SNAI1: variants seen among roughly 807,000 people sequenced by gnomAD.
The protein encoded by SNAI1 is zinc finger protein SNAI1.
SNAI1 carries 15 observed loss-of-function variants against 24.7 expected under a neutral mutation model. The ratio of observed to expected loss-of-function variants is 0.61; its 90% CI spans 0.41 to 0.93. The LOEUF (loss-of-function observed/expected upper bound fraction) is 0.93, where lower values mean the gene tolerates loss of function less well. Among genes scored for constraint, SNAI1 ranks in the 40% least tolerant of loss-of-function variants. The probability of loss-of-function intolerance (pLI) is 0.00; values close to 1 mark genes in which losing one functional copy is unlikely to be tolerated. For missense variants in SNAI1, 283 were observed against 336.7 expected, an observed-to-expected ratio of 0.84 and a Z score of 1.25; for synonymous variants, 163 against 142.9, an observed-to-expected ratio of 1.14 and a Z score of -1.00.
chr20:49,987,805 A>C, intron 2 of SNAI1, 67 bp from the exon 3 acceptor site: 1 of 1,429,264 alleles, frequency 7.0e-7, no homozygotes. Context: ...GTATGCGGGG[A>C]GGGATTCCCA....
chr20:49,985,206 A>G (rs1466575166), intron 2 of SNAI1, among the ~76,000 whole-genome samples: 5 of 152,322 alleles, frequency 3.3e-5, no homozygotes, highest in African/African-American at 1.2e-4. Flanking sequence ...GAGAAAAGGT[A>G]GAACTTTTTA....
chr20:49,983,030 C>A lies in SNAI1; in HGVS notation c.-30C>A. ...GTGGTTCTTCTGCGCTACTGCTGCG[C>A]GAATCGGCGACCCCAGTGCCTCGAC... is the stretch of plus-strand genomic sequence containing the variant. On this transcript the variant is annotated 5_prime_UTR_variant, in exon 1 of 3. Transcript: ENST00000244050. The A allele has an allele frequency of 1.9e-6, 3 of 1,578,372 alleles. No homozygotes were observed. Among genetic ancestry groups the A allele is most frequent in the Non-Finnish European group, 2.6e-6 (3 of 1,151,384 alleles).
chr20:49,985,520 T>A (rs1385309031), intron 2 of SNAI1, among the ~76,000 whole-genome samples: 1 of 152,200 alleles, frequency 6.6e-6, no homozygotes, highest in Non-Finnish European at 1.5e-5. Context: ...GGGCTCTATT[T>A]TGGGACAGTT....
chr20:49,988,335 G>A lies in SNAI1; in HGVS notation c.*279G>A, dbSNP rs895147455. 1 of 402,038 alleles carries A rather than the reference G, an allele frequency of 2.5e-6. No individual in the cohort carries two copies. Among genetic ancestry groups the A allele is most frequent in the Non-Finnish European group, 4.5e-6 (1 of 224,528 alleles). The allele number at this position is 402,038 out of a possible 1,614,324, so 24.9% of individuals were successfully genotyped here. On this transcript the variant is annotated 3_prime_UTR_variant, in exon 3 of 3. Coordinates refer to ENST00000244050, the MANE Select transcript of SNAI1 (RefSeq NM_005985.4). ...TTCCTGAGCTGGCCTGTCTGCGTGG[G>A]TTTTTGTATCCAGAGCTGTTTGGAT... is the stretch of plus-strand genomic sequence containing the variant.
chr20:49,983,107 G>A lies in SNAI1; in HGVS notation c.48G>A (p.Lys16=), dbSNP rs561570014. 27 of 1,613,914 alleles carry A rather than the reference G, an allele frequency of 1.7e-5. No homozygotes were observed. The Middle Eastern group carries it at 8.3e-4, about 49-fold the overall frequency. Residue 16 remains lysine, a synonymous_variant, in exon 1 of 3, where the codon AAG becomes AAA. Transcript: ENST00000244050. ...LVRKPSDPNR[K]PNYSELQDSN... is the part of the protein sequence containing the mutation. ...GGAAGCCCTCCGACCCCAATCGGAAGCCTAACTACAGCGAGCTGCAGGACT... is the reference window on the plus strand; with the variant it reads ...GGAAGCCCTCCGACCCCAATCGGAAACCTAACTACAGCGAGCTGCAGGACT...
In SNAI1 at chr20:49,983,239, C is replaced by G. The variant is rs567603608; in HGVS notation, c.82+98C>G. The G allele has an allele frequency of 8.1e-4, 741 of 917,034 alleles. 2 individuals are homozygous for G. Among genetic ancestry groups the G allele is most frequent in the Non-Finnish European group, 1.2e-3 (689 of 568,522 alleles). The allele number at this position is 917,034 out of a possible 1,614,324, so 56.8% of individuals were successfully genotyped here. ...GGAGGCGGCCTGCCTGAGCCAGGAT[C>G]GAGTCACAGGATGTTTTGTGGACCA... On this transcript the variant is annotated intron_variant, in intron 1 of 2. Transcript: ENST00000244050.
rs2078338843 is a variant in SNAI1, at chr20:49,987,845, T to A, written c.611-27T>A. Reference sequence around the variant, plus strand: ...TGCCAGCCGTTGTCCCACGGCTCACTCGGCCTTTCTGGCGTTCTCTCCCCA... The same window carrying A: ...TGCCAGCCGTTGTCCCACGGCTCACACGGCCTTTCTGGCGTTCTCTCCCCA... On this transcript the variant is annotated intron_variant, in intron 2 of 2. Transcript: ENST00000244050. The A allele has an allele frequency of 1.9e-6, 3 of 1,611,304 alleles. No individual in the cohort carries two copies. The African/African-American group carries it at 4.0e-5, about 21-fold the overall frequency.
intron 2 of SNAI1, among the ~76,000 whole-genome samples, chr20:49,985,552 T>G (rs1600887822): frequency 6.6e-6 from 1 of 152,226 alleles, no homozygotes; most frequent in Non-Finnish European, 1.5e-5. Context: ...GGTGCTGCAG[T>G]CCTGCCTGCC....
In SNAI1 at chr20:49,987,913, G is replaced by A. The variant is rs891291611; in HGVS notation, c.652G>A (p.Ala218Thr). 4 of 1,613,874 alleles carry A rather than the reference G, an allele frequency of 2.5e-6. No homozygotes were observed. Among genetic ancestry groups the A allele is most frequent in the Non-Finnish European group, 3.4e-6 (4 of 1,179,970 alleles). Residue 218 changes from alanine to threonine, a missense_variant, in exon 3 of 3, where the codon GCT (alanine) becomes ACT (threonine). Coordinates refer to ENST00000244050, the MANE Select transcript of SNAI1 (RefSeq NM_005985.4). ...CTGTCCCCACTGCAGCCGTGCCTTC[G>A]CTGACCGCTCCAACCTGCGGGCCCA... The part of the protein sequence containing the change: ...FSCPHCSRAF[A>T]DRSNLRAHLQ...
chr20:49,987,869 C>T lies in SNAI1; in HGVS notation c.611-3C>T, dbSNP rs200686434. 1.2e-5 allele frequency: 20 copies of T among 1,613,700 alleles called. No homozygotes were observed. Among genetic ancestry groups the T allele is most frequent in the Non-Finnish European group, 1.6e-5 (19 of 1,179,896 alleles). On this transcript the variant is annotated splice_region_variant and splice_polypyrimidine_tract_variant and intron_variant, in intron 2 of 2. Coordinates refer to ENST00000244050, the MANE Select transcript of SNAI1 (RefSeq NM_005985.4). ...CTCGGCCTTTCTGGCGTTCTCTCCCCAGGCGAGAAGCCCTTCTCCTGTCCC... is the reference window on the plus strand; with the variant it reads ...CTCGGCCTTTCTGGCGTTCTCTCCCTAGGCGAGAAGCCCTTCTCCTGTCCC...
Position 49,988,433 on chromosome 20 carries a change from A to T in SNAI1, c.*377A>T. ...GCTCCCACCCCACTCAGGGGACCCC[A>T]CTCCCCTCACACACACCCCCCCACA... On this transcript the variant is annotated 3_prime_UTR_variant, in exon 3 of 3. Coordinates refer to ENST00000244050, the MANE Select transcript of SNAI1 (RefSeq NM_005985.4). The T allele has an allele frequency of 5.9e-6, 1 of 169,170 alleles. No homozygotes were observed. The highest frequency in any genetic ancestry group is 6.2e-5 in the Admixed American group (1 of 16,026). 10.5% of individuals were successfully genotyped at this position (169,170 alleles called of 1,614,324 possible).
intron 1 of SNAI1, 98 bp from the exon 2 acceptor site, chr20:49,983,726 A>G: frequency 8.2e-7 from 1 of 1,212,246 alleles, no homozygotes; most frequent in East Asian, 2.4e-5. Flanking sequence ...TTATGTATTG[A>G]GAATCGGCCC....
At chr20:49,987,436 A>C (rs6012791) in intron 2 of SNAI1, among the ~76,000 whole-genome samples, 51,335 of 152,098 alleles carry the variant, frequency 0.34, 12,183 homozygotes, top group African/African-American at 0.68. Context: ...TGCCAGGGGA[A>C]CCTGAACATG....
Position 49,988,760 on chromosome 20 carries a change from G to A in SNAI1, c.*704G>A, listed in dbSNP as rs1313415786. ...GCCCGACAGGTGGGCCTGGGAGGAA[G>A]ATGTTTACATTTTTAAAGGTACACT... is the stretch of plus-strand genomic sequence containing the variant. On this transcript the variant is annotated 3_prime_UTR_variant, in exon 3 of 3. Transcript: ENST00000244050. 1 of 152,640 alleles carries A rather than the reference G, an allele frequency of 6.6e-6. No homozygotes were observed. Among genetic ancestry groups the A allele is most frequent in the Admixed American group, 6.5e-5 (1 of 15,282 alleles). 9.5% of individuals were successfully genotyped at this position (152,640 alleles called of 1,614,324 possible).
chr20:49,987,828 G>A (rs558459348), intron 2 of SNAI1, 44 bp from the exon 3 acceptor site: 33 of 1,583,786 alleles, frequency 2.1e-5, no homozygotes, highest in South Asian at 1.3e-4. Flanking sequence ...ACTGCCAGCC[G>A]TTGTCCCACG....
rs771035489 is a variant in SNAI1 at position 49,984,111 on chromosome 20, G to A, written c.370G>A (p.Glu124Lys). The change falls in exon 2 of 3, where the codon GAG becomes AAG. Residue 124 changes from glutamate to lysine, a missense_variant. By Grantham distance (56) the Glu-to-Lys change is moderately conservative. Coordinates refer to ENST00000244050, the MANE Select transcript of SNAI1 (RefSeq NM_005985.4). ...SSTSVSSLEAEAYAAFPGLGQ... is the reference protein window; with the variant it reads ...SSTSVSSLEAKAYAAFPGLGQ... Reference sequence around the variant, plus strand: ...TACTTCAGTCTCTTCCTTGGAGGCCGAGGCCTATGCTGCCTTCCCAGGCTT... The same window carrying A: ...TACTTCAGTCTCTTCCTTGGAGGCCAAGGCCTATGCTGCCTTCCCAGGCTT... 33 of 1,614,184 alleles carry A rather than the reference G, an allele frequency of 2.0e-5. No individual in the cohort carries two copies. The highest frequency in any genetic ancestry group is 2.5e-5 in the Non-Finnish European group (29 of 1,180,028).
At chr20:49,984,675 C>T (rs1311894139) in intron 2 of SNAI1, among the ~76,000 whole-genome samples, 3 of 152,252 alleles carry the variant, frequency 2.0e-5, no homozygotes, top group Non-Finnish European at 2.9e-5. Flanking sequence ...CACCCTCTCC[C>T]GGGTCCGCCC....
At chr20:49,984,457 C>CAG in intron 2 of SNAI1, 106 bp downstream of exon 2, 1 of 1,130,670 alleles carries the variant, frequency 8.8e-7, no homozygotes, top group South Asian at 1.6e-5. Flanking sequence ...GGCCCCGAGT[C>CAG]TTCTAACTTC....
At chr20:49,986,831 G>GA (rs1365778599) in intron 2 of SNAI1, among the ~76,000 whole-genome samples, 2 of 151,862 alleles carry the variant, frequency 1.3e-5, no homozygotes, top group Non-Finnish European at 2.9e-5. Context: ...GCATCCCCCA[G>GA]AAAAAAACAA....
Sources: gnomAD v4.1 joint callset for allele counts (sites outside exome capture counted in the v4.1 genomes callset) on GRCh38, gnomAD v4.1.1 for gene constraint, MANE v1.5 for transcripts, NCBI Gene and HGNC (gene_info 2026-07-23, HGNC 2026-07-21) for gene names.